The following DYRK1A variants were observed in gnomAD, a reference collection of about 807,000 sequenced individuals.
DYRK1A encodes the protein dual specificity tyrosine phosphorylation regulated kinase 1A.
Under a neutral mutation model 79.7 loss-of-function variants are expected in DYRK1A, and 9 were observed. The ratio of observed to expected loss-of-function variants is 0.11; its 90% CI spans 0.07 to 0.20. The LOEUF is 0.20. Among genes scored for constraint, DYRK1A ranks in the 10% least tolerant of loss-of-function variants. The pLI, the probability that DYRK1A is intolerant of heterozygous loss-of-function variation, is 1.00. For synonymous variants in DYRK1A, 349 were observed against 329.7 expected (o/e 1.06, Z -0.63); for missense variants, 622 against 956.0 (o/e 0.65, Z 4.61).
At chr21:37,394,947 A>C (rs1394660130) in intron 1 of DYRK1A, among the ~76,000 whole-genome samples, 3 of 152,160 alleles carry the variant, frequency 2.0e-5, no homozygotes, top group African/African-American at 7.2e-5. Context: ...AAACGATCTC[A>C]AGTATTCTAC....
rs986737024 is a variant in DYRK1A, at chr21:37,516,240, T to C, written c.*3709T>C. Reference sequence around the variant, plus strand: ...CAAATACATGACTTGGTCTTACTGCTATATATGAAGGAAGTTTGAAAATGT... The same window carrying C: ...CAAATACATGACTTGGTCTTACTGCCATATATGAAGGAAGTTTGAAAATGT... On this transcript the variant is annotated 3_prime_UTR_variant, in exon 12 of 12. Transcript: ENST00000647188. 2 of 152,176 alleles carry C rather than the reference T, an allele frequency of 1.3e-5. No individual in the cohort carries two copies. Among genetic ancestry groups the C allele is most frequent in the Non-Finnish European group, 2.9e-5 (2 of 68,034 alleles). The allele number at this position is 152,176 out of a possible 1,614,324, so 9.4% of individuals were successfully genotyped here. A position where few individuals can be genotyped will look rare whatever the true frequency, so the allele number is the denominator to read the frequency against.
In DYRK1A at chr21:37,513,893, G is replaced by A. The variant is rs1205840984; in HGVS notation, c.*1362G>A. 1.3e-5 allele frequency: 2 copies of A among 152,622 alleles called. No homozygotes were observed. Among genetic ancestry groups the A allele is most frequent in the African/African-American group, 4.8e-5 (2 of 41,438 alleles). 9.5% of individuals were successfully genotyped at this position (152,622 alleles called of 1,614,324 possible). A position where few individuals can be genotyped will look rare whatever the true frequency, so the allele number is the denominator to read the frequency against. ...GCAGTTCTGCACTTTGACACAAGGT[G>A]TAACTAGACCATTTTTAAATGTCAG... On this transcript the variant is annotated 3_prime_UTR_variant, in exon 12 of 12. Transcript: ENST00000647188.
chr21:37,468,291 C>A (rs1266109032), intron 2 of DYRK1A, among the ~76,000 whole-genome samples: 1 of 150,728 alleles, frequency 6.6e-6, no homozygotes, highest in Non-Finnish European at 1.5e-5. Context: ...TTTTTTCTTA[C>A]AGAGATGAGG....
In DYRK1A at chr21:37,398,274, C is replaced by T. The variant is rs73413133; in HGVS notation, c.-76-22025C>T. On this transcript the variant is annotated intron_variant, in intron 1 of 11. Transcript: ENST00000647188. ...GATTGCTTGAGTCCAGTCTTGAGTCCAGGGCTGCAGTATGGTAGGATTGCA... is the reference window on the plus strand; with the variant it reads ...GATTGCTTGAGTCCAGTCTTGAGTCTAGGGCTGCAGTATGGTAGGATTGCA... 4.2e-3 allele frequency among the ~76,000 whole-genome samples: 635 copies of T among 150,686 alleles called. 4 individuals carry two copies. Among genetic ancestry groups the T allele is most frequent in the African/African-American group, 0.015 (597 of 41,076 alleles).
intron 1 of DYRK1A, chr21:37,368,204 T>C (rs1338275385): frequency 6.6e-6 from 1 of 151,810 alleles, no homozygotes; most frequent in Non-Finnish European, 1.5e-5. Context: ...CCTCCGAAGT[T>C]GGGCGGGGAG....
At chr21:37,412,653 G>C (rs1376689278) in intron 1 of DYRK1A, among the ~76,000 whole-genome samples, 3 of 152,216 alleles carry the variant, frequency 2.0e-5, no homozygotes, top group Non-Finnish European at 4.4e-5. Flanking sequence ...GAGAGGAATG[G>C]AAAGGCATGA....
chr21:37,494,534 A>C (rs1457385774), intron 8 of DYRK1A, among the ~76,000 whole-genome samples: 2 of 151,158 alleles, frequency 1.3e-5, no homozygotes, highest in Non-Finnish European at 2.9e-5. Flanking sequence ...TCCTTTGCTG[A>C]TGTTAGTGTT....
chr21:37,411,259 G>A (rs2050238860), intron 1 of DYRK1A, among the ~76,000 whole-genome samples: 1 of 151,898 alleles, frequency 6.6e-6, no homozygotes, highest in Non-Finnish European at 1.5e-5. Flanking sequence ...AGGCGGCTGA[G>A]GCAGGAGAAA....
At chr21:37,471,318 A>G (rs931181788) in intron 2 of DYRK1A, among the ~76,000 whole-genome samples, 6 of 152,192 alleles carry the variant, frequency 3.9e-5, no homozygotes, top group African/African-American at 1.4e-4. Flanking sequence ...AGTCTCGTTG[A>G]CTGCGTAGGA....
chr21:37,368,976 C>G (rs939117313), intron 1 of DYRK1A, among the ~76,000 whole-genome samples: 16 of 152,186 alleles, frequency 1.1e-4, no homozygotes, highest in Admixed American at 7.2e-4. Flanking sequence ...TTTCCCCCCC[C>G]AAGAAAACTA....
chr21:37,407,167 G>A (rs879817595), intron 1 of DYRK1A, among the ~76,000 whole-genome samples: 5 of 152,008 alleles, frequency 3.3e-5, no homozygotes, highest in East Asian at 1.9e-4. Flanking sequence ...CAACTGTTTC[G>A]GATTTTGAAA....
chr21:37,402,494 C>T (rs1406275386), intron 1 of DYRK1A, among the ~76,000 whole-genome samples: 6 of 152,154 alleles, frequency 3.9e-5, no homozygotes, highest in South Asian at 2.1e-4. Context: ...TTTATTCCCT[C>T]GATATACCAG....
In DYRK1A at chr21:37,516,688, T is replaced by C. The variant is rs2053883898; in HGVS notation, c.*4157T>C. 1 of 152,168 alleles carries C rather than the reference T, an allele frequency of 6.6e-6. No homozygotes were observed. The highest frequency in any genetic ancestry group is 2.4e-5 in the African/African-American group (1 of 41,438). 9.4% of individuals were successfully genotyped at this position (152,168 alleles called of 1,614,324 possible). A position where few individuals can be genotyped will look rare whatever the true frequency, so the allele number is the denominator to read the frequency against. Reference sequence around the variant, plus strand: ...TTCATTGAGGTAAGTGGCTCATCGCTTGGTGTGTTTGGCTCTCTTTGGCAT... The same window carrying C: ...TTCATTGAGGTAAGTGGCTCATCGCCTGGTGTGTTTGGCTCTCTTTGGCAT... On this transcript the variant is annotated 3_prime_UTR_variant, in exon 12 of 12. Coordinates refer to ENST00000647188, the MANE Select transcript of DYRK1A (RefSeq NM_001347721.2).
chr21:37,401,792 T>C (rs2050059244), intron 1 of DYRK1A, among the ~76,000 whole-genome samples: 1 of 152,154 alleles, frequency 6.6e-6, no homozygotes, highest in Admixed American at 6.5e-5. Context: ...CAATTCTAGT[T>C]CTTTTGGTGT....
At chr21:37,507,945 G>A (rs189927233) in intron 11 of DYRK1A, among the ~76,000 whole-genome samples, 28 of 152,214 alleles carry the variant, frequency 1.8e-4, no homozygotes, top group African/African-American at 6.7e-4. Context: ...TCAACAATAT[G>A]TGCACACACA....
intron 2 of DYRK1A, among the ~76,000 whole-genome samples, chr21:37,468,662 T>A (rs2052116682): frequency 6.6e-6 from 1 of 152,160 alleles, no homozygotes; most frequent in Non-Finnish European, 1.5e-5. Flanking sequence ...GGATGTTAAT[T>A]TGGAGGGGGA....
At chr21:37,440,129 C>CATTTT in intron 2 of DYRK1A, among the ~76,000 whole-genome samples, 1 of 55,900 alleles carries the variant, frequency 1.8e-5, no homozygotes, top group Non-Finnish European at 4.2e-5. Flanking sequence ...TTTGTTTGCT[C>CATTTT]CTTTTTTTTT....
At chr21:37,454,992 T>C (rs1230770140) in intron 2 of DYRK1A, among the ~76,000 whole-genome samples, 1 of 150,910 alleles carries the variant, frequency 6.6e-6, no homozygotes, top group East Asian at 1.9e-4. Flanking sequence ...GTAGTGATTG[T>C]AGAGATGGTT....
chr21:37,430,284 GA>G, intron 2 of DYRK1A: 2 of 964,298 alleles, frequency 2.1e-6, no homozygotes, highest in Non-Finnish European at 2.5e-6. Flanking sequence ...TCTGAATATT[GA>G]AAACAGAGAA....
Sources: gnomAD v4.1 joint callset for allele counts (sites outside exome capture counted in the v4.1 genomes callset) on GRCh38, gnomAD v4.1.1 for gene constraint, MANE v1.5 for transcripts, NCBI Gene and HGNC (gene_info 2026-07-23, HGNC 2026-07-21) for gene names.